Variants in GPR155 observed in about 807,000 individuals in gnomAD.
GPR155 encodes the protein lysosomal cholesterol signaling protein.
GPR155 carries 65 observed loss-of-function variants against 93.1 expected under a neutral mutation model. The observed-to-expected ratio is 0.70, with a 90% CI of 0.57 to 0.86. The LOEUF is 0.86. Ranked by LOEUF, GPR155 falls within the 40% of genes least tolerant of loss-of-function variation. GPR155 has a pLI of 0.00. For synonymous variants in GPR155, 319 were observed against 360.1 expected, an observed-to-expected ratio of 0.89 and a Z score of 1.29; for missense variants, 838 against 1,034.8, an observed-to-expected ratio of 0.81 and a Z score of 2.61.
chr2:174,436,459 G>A (rs751479203), intron 15 of GPR155, 43 bp from the exon 16 acceptor site: 1 of 1,576,632 alleles, frequency 6.3e-7, no homozygotes, highest in East Asian at 2.2e-5. Flanking sequence ...TGTAAATCTG[G>A]TATCAGCACT....
At chr2:174,483,799 C>T (rs1192885679) in intron 1 of GPR155, among the ~76,000 whole-genome samples, 4 of 151,902 alleles carry the variant, frequency 2.6e-5, no homozygotes, top group Non-Finnish European at 4.4e-5. Flanking sequence ...TGGTCAGGTT[C>T]GTCTCAAACT....
intron 2 of GPR155, 25 bp downstream of exon 2, chr2:174,481,472 A>T: frequency 7.4e-7 from 1 of 1,350,412 alleles, no homozygotes; most frequent in East Asian, 2.3e-5. Flanking sequence ...TTTTTTAAAC[A>T]CTTGAAAAAT....
intron 8 of GPR155, 21 bp from the exon 9 acceptor site, chr2:174,461,513 G>A (rs1687694135): frequency 1.3e-6 from 2 of 1,592,954 alleles, no homozygotes; most frequent in Non-Finnish European, 8.6e-7. Context: ...AAGTGATATT[G>A]GGAGAGAAAA....
At chr2:174,467,300 G>A (rs561847948) in intron 5 of GPR155, among the ~76,000 whole-genome samples, 1 of 152,340 alleles carries the variant, frequency 6.6e-6, no homozygotes, top group African/African-American at 2.4e-5. Context: ...AAGAGTTCGA[G>A]ACTAGCCTGG....
chr2:174,479,451 G>C (rs1240767048), intron 2 of GPR155, among the ~76,000 whole-genome samples: 1 of 152,168 alleles, frequency 6.6e-6, no homozygotes, highest in African/African-American at 2.4e-5. Flanking sequence ...CTAGGTTTGG[G>C]TGTCAGTCAC....
rs1688043229 is a variant in GPR155, at chr2:174,473,096, A to T, written c.729T>A (p.Asn243Lys). ...LDRKVPVYVE[N>K]FLDGLGNSFS... is the part of the protein sequence containing the mutation. ...AAGAATTTCCAAGTCCATCAAGAAAATTTTCGACATATACAGGTACCTTTC... is the reference window on the plus strand; with the variant it reads ...AAGAATTTCCAAGTCCATCAAGAAATTTTTCGACATATACAGGTACCTTTC... Residue 243 changes from asparagine (N) to lysine (K), a missense_variant, in exon 3 of 16, where the codon AAT (asparagine) becomes AAA (lysine). Coordinates refer to ENST00000392552, the MANE Select transcript of GPR155 (RefSeq NM_152529.7). 1.2e-6 allele frequency: 2 copies of T among 1,602,078 alleles called. No individual in the cohort carries two copies. Among genetic ancestry groups the T allele is most frequent in the Admixed American group, 1.8e-5 (1 of 55,868 alleles).
intron 4 of GPR155, 33 bp downstream of exon 4, chr2:174,470,357 C>T (rs566671380): frequency 2.0e-6 from 3 of 1,533,986 alleles, no homozygotes; most frequent in African/African-American, 1.4e-5. Flanking sequence ...CGACTAAACA[C>T]ACCATCAAAC....
At chr2:174,485,332 C>G (rs941894929) in intron 1 of GPR155, among the ~76,000 whole-genome samples, 6 of 152,136 alleles carry the variant, frequency 3.9e-5, no homozygotes, top group Non-Finnish European at 8.8e-5. Context: ...CGCAGTGGCT[C>G]ACGCCTGTAA....
chr2:174,486,864 C>G lies in GPR155; in HGVS notation c.-32+9G>C, dbSNP rs1371535530. 6.6e-6 allele frequency: 1 copy of G among 152,600 alleles called. No homozygotes were observed. Among genetic ancestry groups the G allele is most frequent in the East Asian group, 1.9e-4 (1 of 5,196 alleles). The allele number at this position is 152,600 out of a possible 1,614,324, so 9.5% of individuals were successfully genotyped here. On this transcript the variant is annotated intron_variant, in intron 1 of 15. Transcript: ENST00000392552. The stretch of plus-strand genomic sequence containing the variant: ...CCCAGCAGGTCCGCGCTCCAGGGGC[C>G]CCTCTCACCTGCTTCGTCTGCAACC...
intron 4 of GPR155, 39 bp from the exon 5 acceptor site, chr2:174,469,106 A>G (rs371395688): frequency 6.3e-7 from 1 of 1,579,216 alleles, no homozygotes; most frequent in African/African-American, 1.3e-5. Context: ...TACAATCTCA[A>G]TTAAACAGTA....
chr2:174,455,985 C>T lies in GPR155; in HGVS notation c.1772-2144G>A, dbSNP rs189174582. 9.9e-5 allele frequency among the ~76,000 whole-genome samples: 15 copies of T among 152,066 alleles called. No homozygotes were observed. In the East Asian group the frequency reaches 2.5e-3, roughly 26 times the overall value. ...CCTCCCGAGTAGCTGGGTCTACAGG[C>T]GTCTGCCACCACAGCCTGGCAAATT... On this transcript the variant is annotated intron_variant, in intron 10 of 15. Coordinates refer to ENST00000392552, the MANE Select transcript of GPR155 (RefSeq NM_152529.7).
At position 174,470,661 on chromosome 2, in the gene GPR155, A is replaced by G. The variant is rs115686439; in HGVS notation, c.861-106T>C. ...CATCAGGTTCTCCTGCCCAGAAGGT[A>G]TGTCTATTTGCATGCACATATTCTG... On this transcript the variant is annotated intron_variant, in intron 3 of 15. Transcript: ENST00000392552. 232 of 878,134 alleles carry G rather than the reference A, an allele frequency of 2.6e-4. 2 individuals carry two copies. In the African/African-American group the frequency reaches 3.3e-3, roughly 13 times the overall value. 54.4% of individuals were successfully genotyped at this position (878,134 alleles called of 1,614,324 possible).
At chr2:174,471,517 G>A (rs1297004726) in intron 3 of GPR155, among the ~76,000 whole-genome samples, 1 of 148,962 alleles carries the variant, frequency 6.7e-6, no homozygotes, top group Non-Finnish European at 1.5e-5. Flanking sequence ...CAACTGAGAT[G>A]GAGCAGAAAA....
At chr2:174,439,822 C>T in intron 15 of GPR155, 76 bp downstream of exon 15, 2 of 1,244,280 alleles carry the variant, frequency 1.6e-6, no homozygotes, top group Admixed American at 1.9e-5. Flanking sequence ...CCTCATTTAG[C>T]CTATTACAAT....
intron 13 of GPR155, among the ~76,000 whole-genome samples, chr2:174,442,780 C>G (rs917178465): frequency 1.3e-5 from 2 of 152,146 alleles, no homozygotes; most frequent in African/African-American, 2.4e-5. Flanking sequence ...CTGAGTGCAA[C>G]TTGATAGAAG....
At chr2:174,472,899 C>A in intron 3 of GPR155, 66 bp downstream of exon 3, 1 of 1,251,582 alleles carries the variant, frequency 8.0e-7, no homozygotes, top group South Asian at 1.4e-5. Flanking sequence ...CAGACATACC[C>A]CTGATGAATT....
rs34260976 is a variant in GPR155, at chr2:174,450,134, G to GA, written c.1877-3388dup. ...GGGTGGCAGAACCAGATCCTGTCTTGAAAAAAAAAAAAAAAGAATGAAATA... is the reference window on the plus strand; with the variant it reads ...GGGTGGCAGAACCAGATCCTGTCTTGAAAAAAAAAAAAAAAAGAATGAAATA... On this transcript the variant is annotated intron_variant, in intron 11 of 15. Coordinates refer to ENST00000392552, the MANE Select transcript of GPR155 (RefSeq NM_152529.7). 7.9e-3 allele frequency among the ~76,000 whole-genome samples: 1,082 copies of GA among 136,778 alleles called. 11 individuals are homozygous for GA. The highest frequency in any genetic ancestry group is 0.034 in the South Asian group (146 of 4,358). The allele number at this position is 136,778 out of a possible 152,430, so 89.7% of individuals were successfully genotyped here.
chr2:174,440,138 T>A, intron 14 of GPR155, 103 bp from the exon 15 acceptor site: 1 of 865,998 alleles, frequency 1.2e-6, no homozygotes, highest in Non-Finnish European at 1.8e-6. Context: ...AAGCTGTCGA[T>A]CACCAAAGCT....
At chr2:174,479,022 T>G (rs1293980550) in intron 2 of GPR155, among the ~76,000 whole-genome samples, 1 of 152,192 alleles carries the variant, frequency 6.6e-6, no homozygotes, top group Non-Finnish European at 1.5e-5. Context: ...AGTTATATTC[T>G]ACAACTTAAT....
Sources: gnomAD v4.1 joint callset for allele counts (sites outside exome capture counted in the v4.1 genomes callset) on GRCh38, gnomAD v4.1.1 for gene constraint, MANE v1.5 for transcripts, NCBI Gene and HGNC (gene_info 2026-07-23, HGNC 2026-07-21) for gene names.